SLAMF7: variants seen among roughly 807,000 people sequenced by gnomAD.
SLAMF7 encodes 19A24 protein.
Under a neutral mutation model 34.1 loss-of-function variants are expected in SLAMF7, and 26 were observed. The ratio of observed to expected loss-of-function variants is 0.76; its 90% confidence interval spans 0.56 to 1.06. The LOEUF is 1.06. SLAMF7 is among the 50% of genes least tolerant of loss of function. SLAMF7 has a pLI of 0.00. For synonymous variants in SLAMF7, 171 were observed against 156.4 expected, an observed-to-expected ratio of 1.09 and a Z score of -0.70; for missense variants, 399 against 402.5, an observed-to-expected ratio of 0.99 and a Z score of 0.07.
intron 1 of SLAMF7, among the ~76,000 whole-genome samples, chr1:160,745,407 T>C (rs1385146075): frequency 6.6e-6 from 1 of 152,162 alleles, no homozygotes; most frequent in Non-Finnish European, 1.5e-5. Flanking sequence ...GGCCTTCAAA[T>C]TGAGCCATAG....
chr1:160,743,659 G>A (rs1395046687), intron 1 of SLAMF7, among the ~76,000 whole-genome samples: 1 of 152,154 alleles, frequency 6.6e-6, no homozygotes, highest in Non-Finnish European at 1.5e-5. Context: ...GAATATCATG[G>A]GACCCAATCC....
At position 160,753,214 on chromosome 1, in the gene SLAMF7, A is replaced by T. The variant is rs779452559; in HGVS notation, c.*37A>T. ...CTCCCCTAAGTCTCTGCTCAAAAAA[A>T]AAACAATTCTCGGCCCAAAGAAAAC... is the stretch of plus-strand genomic sequence containing the variant. On this transcript the variant is annotated 3_prime_UTR_variant, in exon 7 of 7. Coordinates refer to ENST00000368043, the MANE Select transcript of SLAMF7 (RefSeq NM_021181.5). The T allele has an allele frequency of 6.5e-7, 1 of 1,546,362 alleles. No homozygotes were observed. Among genetic ancestry groups the T allele is most frequent in the East Asian group, 2.2e-5 (1 of 44,538 alleles).
intron 1 of SLAMF7, among the ~76,000 whole-genome samples, chr1:160,741,637 T>C (rs972316467): frequency 3.9e-5 from 6 of 152,116 alleles, no homozygotes; most frequent in African/African-American, 1.2e-4. Context: ...ATGACTCCAA[T>C]GTATAGAGTT....
rs777376514 is a variant in SLAMF7 at position 160,739,369 on chromosome 1, G to T, written c.55+13G>T. The T allele has an allele frequency of 3.7e-6, 6 of 1,610,242 alleles. 1 individual carries two copies. The African/African-American group carries it at 4.0e-5, about 11-fold the overall frequency. ...TGGCAGCTCACAGGTGAGTCCGGCC[G>T]GATTCTCTTCCACTCTCCTGTCTAC... On this transcript the variant is annotated intron_variant, in intron 1 of 6. Coordinates refer to ENST00000368043, the MANE Select transcript of SLAMF7 (RefSeq NM_021181.5).
At chr1:160,739,174 A>G, upstream of SLAMF7, 4 of 823,288 alleles carry the variant, frequency 4.9e-6, 1 homozygote, top group South Asian at 5.5e-5. Flanking sequence ...ATAATTTAGC[A>G]ATTACTCAAT....
At chr1:160,747,415 C>T (rs1171368294) in intron 1 of SLAMF7, among the ~76,000 whole-genome samples, 1 of 152,174 alleles carries the variant, frequency 6.6e-6, no homozygotes, top group African/African-American at 2.4e-5. Context: ...TGTGGTGGCT[C>T]ATGCCTGCAA....
chr1:160,740,283 TAAA>T (rs66898718), intron 1 of SLAMF7, among the ~76,000 whole-genome samples: 1 of 141,718 alleles, frequency 7.1e-6, no homozygotes. Flanking sequence ...GCCCTCACTT[TAAA>T]AAAAAAAAAC....
At chr1:160,743,383 G>A (rs1158852066) in intron 1 of SLAMF7, among the ~76,000 whole-genome samples, 1 of 152,206 alleles carries the variant, frequency 6.6e-6, no homozygotes, top group East Asian at 1.9e-4. Context: ...CGGGATGTTT[G>A]TGTGGTGGCC....
At chr1:160,751,599 T>C in intron 5 of SLAMF7, 151 bp downstream of exon 5, 1 of 611,356 alleles carries the variant, frequency 1.6e-6, no homozygotes, top group Admixed American at 2.9e-5. Flanking sequence ...CCTCCAAGTC[T>C]TCATGGATTC....
rs776183437 is a variant in SLAMF7 at position 160,749,895 on chromosome 1, T to C, written c.451T>C (p.Cys151Arg). The change falls in exon 3 of 7, where the codon TGC (cysteine) becomes CGC (arginine). Residue 151 changes from cysteine (C) to arginine (R), a missense_variant. Coordinates refer to ENST00000368043, the MANE Select transcript of SLAMF7 (RefSeq NM_021181.5). ...TGGCACCTGTGTGACCAATCTGACATGCTGCATGGAACATGGGGAAGAGGA... is the reference window on the plus strand; with the variant it reads ...TGGCACCTGTGTGACCAATCTGACACGCTGCATGGAACATGGGGAAGAGGA... ...KNGTCVTNLT[C>R]CMEHGEEDVI... 1.9e-6 allele frequency: 3 copies of C among 1,614,054 alleles called. No individual in the cohort carries two copies. Among genetic ancestry groups the C allele is most frequent in the Non-Finnish European group, 2.5e-6 (3 of 1,179,932 alleles).
intron 1 of SLAMF7, among the ~76,000 whole-genome samples, chr1:160,740,559 A>G (rs531508727): frequency 6.6e-6 from 1 of 152,270 alleles, no homozygotes; most frequent in Non-Finnish European, 1.5e-5. Flanking sequence ...CAGTGGAACA[A>G]ATCCTGGCAC....
At chr1:160,752,117 C>A in intron 5 of SLAMF7, 69 bp from the exon 6 acceptor site, 2 of 1,288,284 alleles carry the variant, frequency 1.6e-6, no homozygotes, top group African/African-American at 1.5e-5. Flanking sequence ...CTGAATGTCT[C>A]TCTGGCCTTG....
chr1:160,752,159 C>A, intron 5 of SLAMF7, 27 bp from the exon 6 acceptor site: 1 of 1,593,784 alleles, frequency 6.3e-7, no homozygotes, highest in Non-Finnish European at 8.6e-7. Context: ...GTGATGATTT[C>A]TTTTGTTTGT....
intron 5 of SLAMF7, 100 bp from the exon 6 acceptor site, chr1:160,752,086 C>A: frequency 1.0e-6 from 1 of 966,156 alleles, no homozygotes; most frequent in East Asian, 2.5e-5. Flanking sequence ...CCTCCCATCT[C>A]TGCTTTCCCC....
At chr1:160,751,587 C>T (rs546414230) in intron 5 of SLAMF7, 139 bp downstream of exon 5, 3 of 649,656 alleles carry the variant, frequency 4.6e-6, no homozygotes, top group Non-Finnish European at 8.1e-6. Flanking sequence ...GCACCTGTGC[C>T]TCCTCCAAGT....
intron 1 of SLAMF7, among the ~76,000 whole-genome samples, chr1:160,741,638 G>A (rs1187341103): frequency 6.6e-6 from 1 of 152,008 alleles, no homozygotes; most frequent in Non-Finnish European, 1.5e-5. Flanking sequence ...TGACTCCAAT[G>A]TATAGAGTTG....
At chr1:160,752,329 C>T in intron 6 of SLAMF7, 81 bp downstream of exon 6, 1 of 1,119,582 alleles carries the variant, frequency 8.9e-7, no homozygotes, top group Non-Finnish European at 1.3e-6. Context: ...ATTTCTTGGA[C>T]CCAGGTATCT....
chr1:160,748,265 T>C lies in SLAMF7; in HGVS notation c.127T>C (p.Ser43Pro). ...VGGAVTFPLKSKVKQVDSIVW... is the reference protein window; with the variant it reads ...VGGAVTFPLKPKVKQVDSIVW... Reference sequence around the variant, plus strand: ...TGGGGCCGTGACTTTCCCCCTGAAGTCCAAAGTAAAGCAAGTTGACTCTAT... The same window carrying C: ...TGGGGCCGTGACTTTCCCCCTGAAGCCCAAAGTAAAGCAAGTTGACTCTAT... Residue 43 changes from serine (S) to proline (P), a missense_variant, in exon 2 of 7, where the codon TCC becomes CCC. Physicochemically the swap from Ser to Pro is moderately conservative, Grantham distance 74. Transcript: ENST00000368043. The C allele has an allele frequency of 3.1e-6, 5 of 1,613,962 alleles. No individual in the cohort carries two copies. The highest frequency in any genetic ancestry group is 4.2e-6 in the Non-Finnish European group (5 of 1,179,930).
At chr1:160,747,249 G>T (rs1042130100) in intron 1 of SLAMF7, among the ~76,000 whole-genome samples, 7 of 152,078 alleles carry the variant, frequency 4.6e-5, no homozygotes, top group Admixed American at 4.6e-4. Context: ...GCCCTTCAAG[G>T]TCTCGACCCT....
Sources: gnomAD v4.1 joint callset for allele counts (sites outside exome capture counted in the v4.1 genomes callset) on GRCh38, gnomAD v4.1.1 for gene constraint, MANE v1.5 for transcripts, NCBI Gene and HGNC (gene_info 2026-07-23, HGNC 2026-07-21) for gene names.